Variants in PDPN observed in about 807,000 individuals in gnomAD.
The protein encoded by PDPN is podoplanin.
In PDPN, 12 loss-of-function variants were observed where a neutral mutation model predicts 23.2. The observed-to-expected ratio is 0.52, with a 90% CI of 0.33 to 0.84. The LOEUF is 0.84. Ranked by LOEUF, PDPN falls within the 40% of genes least tolerant of loss-of-function variation. The probability of loss-of-function intolerance (pLI) is 0.02; values close to 1 mark genes in which losing one functional copy is unlikely to be tolerated. For missense variants in PDPN, 199 were observed against 212.2 expected (o/e 0.94, Z 0.39); for synonymous variants, 77 against 76.7 (o/e 1.00, Z -0.02).
chr1:13,601,083 C>G (rs1175143755), intron 1 of PDPN, among the ~76,000 whole-genome samples: 1 of 152,220 alleles, frequency 6.6e-6, no homozygotes, highest in African/African-American at 2.4e-5. Flanking sequence ...AGTGCCAGAT[C>G]TTGAACGACC....
At chr1:13,609,634 T>G (rs10927908) in intron 2 of PDPN, among the ~76,000 whole-genome samples, 2,315 of 152,314 alleles carry the variant, frequency 0.015, 51 homozygotes, top group East Asian at 0.052. Context: ...ACTTTCTATC[T>G]TATGAATTTG....
At chr1:13,584,419 G>A (rs1261211500) in intron 1 of PDPN, 15 of 1,015,072 alleles carry the variant, frequency 1.5e-5, no homozygotes, top group Non-Finnish European at 1.8e-5. Flanking sequence ...AGGCAGCCCC[G>A]CTTGCTGGCA....
chr1:13,589,471 T>TATA (rs1034949575), intron 1 of PDPN, among the ~76,000 whole-genome samples: 24 of 152,288 alleles, frequency 1.6e-4, no homozygotes, highest in African/African-American at 5.8e-4. Context: ...GCGCTAACAA[T>TATA]ATAATAACAG....
chr1:13,601,545 C>T (rs1406058035), intron 1 of PDPN, among the ~76,000 whole-genome samples: 1 of 152,120 alleles, frequency 6.6e-6, no homozygotes, highest in Non-Finnish European at 1.5e-5. Flanking sequence ...TTAGTAGGGA[C>T]AGCATTTTGC....
At chr1:13,600,369 CTCTT>C (rs1166748232) in intron 1 of PDPN, among the ~76,000 whole-genome samples, 2 of 142,770 alleles carry the variant, frequency 1.4e-5, no homozygotes, top group Non-Finnish European at 3.0e-5. Flanking sequence ...CATCACTTAA[CTCTT>C]TTTTTTTTTT....
intron 1 of PDPN, among the ~76,000 whole-genome samples, chr1:13,590,991 G>T (rs1557536830): frequency 1.3e-5 from 2 of 151,962 alleles, no homozygotes; most frequent in Non-Finnish European, 2.9e-5. Context: ...GCCCAGGCTG[G>T]AGTGCAATGG....
chr1:13,607,025 T>C, intron 1 of PDPN, 148 bp from the exon 2 acceptor site: 1 of 724,444 alleles, frequency 1.4e-6, no homozygotes, highest in South Asian at 1.9e-5. Context: ...GTTTGGTTTC[T>C]GGCACCACAG....
Position 13,610,533 on chromosome 1 carries a change from C to G in PDPN, c.331+17C>G. 6.2e-7 allele frequency: 1 copy of G among 1,611,034 alleles called. No individual in the cohort carries two copies. The highest frequency in any genetic ancestry group is 1.1e-5 in the South Asian group (1 of 90,456). On this transcript the variant is annotated intron_variant, in intron 3 of 5. Coordinates refer to ENST00000621990, the MANE Select transcript of PDPN (RefSeq NM_006474.5). ...ACTCCACGGGTAAGAAAACCAGCCA[C>G]CTCCATGGGGGCTGATCTACTTTTG...
intron 1 of PDPN, chr1:13,585,608 G>T (rs1640156359): frequency 5.2e-6 from 7 of 1,352,084 alleles, no homozygotes; most frequent in Non-Finnish European, 6.9e-6. Flanking sequence ...CTTTAGCTGT[G>T]ATTCCCTTCA....
chr1:13,588,768 T>A (rs561514451), intron 1 of PDPN, among the ~76,000 whole-genome samples: 3 of 149,384 alleles, frequency 2.0e-5, no homozygotes, highest in East Asian at 1.9e-4. Flanking sequence ...AGCATTGACC[T>A]CCCAGGCTCA....
chr1:13,613,222 C>A (rs1053307172), intron 3 of PDPN, among the ~76,000 whole-genome samples: 2 of 152,166 alleles, frequency 1.3e-5, no homozygotes, highest in African/African-American at 2.4e-5. Flanking sequence ...GATATTGAGA[C>A]TAACCACAAT....
intron 1 of PDPN, among the ~76,000 whole-genome samples, chr1:13,589,573 T>C (rs560481952): frequency 6.6e-6 from 1 of 152,276 alleles, no homozygotes; most frequent in Admixed American, 6.5e-5. Flanking sequence ...TGGAGCTTCT[T>C]GTATTTTATA....
intron 1 of PDPN, among the ~76,000 whole-genome samples, chr1:13,606,852 G>C (rs1255524528): frequency 6.6e-6 from 1 of 152,150 alleles, no homozygotes; most frequent in Non-Finnish European, 1.5e-5. Flanking sequence ...GGAAGAATCT[G>C]GTTCCTTATT....
intron 1 of PDPN, among the ~76,000 whole-genome samples, chr1:13,592,019 T>G (rs1456255122): frequency 6.6e-6 from 1 of 152,250 alleles, no homozygotes. Flanking sequence ...CTAATGGGTA[T>G]GAAATGACAT....
At chr1:13,611,257 C>G (rs895595902) in intron 3 of PDPN, among the ~76,000 whole-genome samples, 2 of 138,154 alleles carry the variant, frequency 1.4e-5, no homozygotes, top group African/African-American at 5.4e-5. Context: ...AACAAACAAA[C>G]AAAAACAAGC....
chr1:13,611,050 T>C (rs1640921983), intron 3 of PDPN, among the ~76,000 whole-genome samples: 1 of 151,952 alleles, frequency 6.6e-6, no homozygotes, highest in Admixed American at 6.5e-5. Flanking sequence ...TGAAACCCCG[T>C]CTCTACTGAA....
intron 1 of PDPN, among the ~76,000 whole-genome samples, chr1:13,587,681 C>T (rs945616943): frequency 1.4e-4 from 21 of 152,126 alleles, no homozygotes; most frequent in Admixed American, 8.5e-4. Context: ...TCCAAGTGGA[C>T]AGTTACTGTG....
In PDPN at chr1:13,606,828, A is replaced by G. The variant is rs190056063; in HGVS notation, c.68-345A>G. Among the ~76,000 whole-genome samples, 15 of 152,338 alleles carry G rather than the reference A, an allele frequency of 9.8e-5. No individual in the cohort carries two copies. The East Asian group carries it at 2.9e-3, about 29-fold the overall frequency. ...CCAGATGAATATATTAATTCATCAT[A>G]TGAAATGACACCAGGAAGAATCTGG... On this transcript the variant is annotated intron_variant, in intron 1 of 5. Transcript: ENST00000621990.
chr1:13,615,902 C>T lies in PDPN; in HGVS notation c.483-3C>T, dbSNP rs147459392. The T allele has an allele frequency of 2.4e-5, 39 of 1,613,064 alleles. No individual in the cohort carries two copies. In the African/African-American group the frequency reaches 4.1e-4, roughly 17 times the overall value. On this transcript the variant is annotated splice_region_variant and splice_polypyrimidine_tract_variant and intron_variant, in intron 5 of 5. Transcript: ENST00000621990. ...CGACCGTCACCCTTCTCTATTTTCA[C>T]AGGCCCTAAAGAGCTGAAGGGTTAC...
Sources: gnomAD v4.1 joint callset for allele counts (sites outside exome capture counted in the v4.1 genomes callset) on GRCh38, gnomAD v4.1.1 for gene constraint, MANE v1.5 for transcripts, NCBI Gene and HGNC (gene_info 2026-07-23, HGNC 2026-07-21) for gene names.